Variants in DNAJB1 observed in about 807,000 individuals in gnomAD.
DNAJB1 encodes the protein dnaJ homolog subfamily B member 1.
DNAJB1 carries 14 observed loss-of-function variants against 24.0 expected under a neutral mutation model. The ratio of observed to expected loss-of-function variants is 0.58; its 90% confidence interval spans 0.39 to 0.91. DNAJB1 has a LOEUF of 0.91. DNAJB1 is among the 40% of genes least tolerant of loss of function. The probability of loss-of-function intolerance (pLI) is 0.00; values close to 1 mark genes in which losing one functional copy is unlikely to be tolerated. For missense variants in DNAJB1, 517 were observed against 458.1 expected, an observed-to-expected ratio of 1.13 and a Z score of -1.17; for synonymous variants, 262 against 174.4, an observed-to-expected ratio of 1.50 and a Z score of -3.96.
intron 2 of DNAJB1, chr19:14,527,719 G>C (rs1047659383): frequency 1.3e-5 from 2 of 152,128 alleles, no homozygotes; most frequent in Non-Finnish European, 2.9e-5. Flanking sequence ...GTGAATCAGT[G>C]ATCTACCTTT....
At chr19:14,553,274 TCGGA>T (rs1329579639), upstream of DNAJB1, among the ~76,000 whole-genome samples, 1 of 152,142 alleles carries the variant, frequency 6.6e-6, no homozygotes, top group East Asian at 1.9e-4. Flanking sequence ...GGCCCTGGCC[TCGGA>T]TCCGAGAGCC....
At chr19:14,544,498 G>T (rs1277298973) in intron 1 of DNAJB1, among the ~76,000 whole-genome samples, 1 of 151,908 alleles carries the variant, frequency 6.6e-6, no homozygotes, top group East Asian at 1.9e-4. Flanking sequence ...CGGGGTGTGC[G>T]GCCATTCTAT....
intron 1 of DNAJB1, among the ~76,000 whole-genome samples, chr19:14,548,222 A>G (rs1386217570): frequency 2.0e-5 from 3 of 151,908 alleles, no homozygotes; most frequent in African/African-American, 4.8e-5. Context: ...CGGCCTCCCA[A>G]AGTGCTGGGA....
At chr19:14,521,295 C>T (rs2072356388), upstream of DNAJB1, among the ~76,000 whole-genome samples, 1 of 151,846 alleles carries the variant, frequency 6.6e-6, no homozygotes. Flanking sequence ...CCCGTCTCTA[C>T]TAAAAATACA....
upstream of DNAJB1, among the ~76,000 whole-genome samples, chr19:14,519,484 C>T (rs915591433): frequency 6.6e-6 from 1 of 152,218 alleles, no homozygotes; most frequent in African/African-American, 2.4e-5. Flanking sequence ...TTCTCACCTC[C>T]TAAAGCAAGG....
At chr19:14,559,559 G>A (rs1196434242) in intron 1 of DNAJB1, among the ~76,000 whole-genome samples, 2 of 152,142 alleles carry the variant, frequency 1.3e-5, no homozygotes, top group Non-Finnish European at 2.9e-5. Flanking sequence ...AGGCCGAGGT[G>A]GTGGATTGCC....
chr19:14,534,692 A>T (rs1165359559), upstream of DNAJB1, among the ~76,000 whole-genome samples: 1 of 151,968 alleles, frequency 6.6e-6, no homozygotes, highest in Non-Finnish European at 1.5e-5. Context: ...CTGCCTTGGC[A>T]TCCCAAAGTG....
upstream of DNAJB1, among the ~76,000 whole-genome samples, chr19:14,553,185 C>T (rs1419796939): frequency 2.6e-5 from 4 of 152,190 alleles, no homozygotes; most frequent in South Asian, 2.1e-4. Context: ...GGATTGCTAC[C>T]TGCTCGCTCG....
In DNAJB1 at chr19:14,542,347, G is replaced by GTTTT. The variant is rs71166754; in HGVS notation, c.-214+7857_-214+7860dup. 4.6e-4 allele frequency among the ~76,000 whole-genome samples: 20 copies of GTTTT among 43,298 alleles called. 3 individuals are homozygous for GTTTT. Among genetic ancestry groups the GTTTT allele is most frequent in the East Asian group, 1.4e-3 (2 of 1,454 alleles). 28.4% of individuals were successfully genotyped at this position (43,298 alleles called of 152,430 possible). A position where few individuals can be genotyped will look rare whatever the true frequency, so the allele number is the denominator to read the frequency against. On this transcript the variant is annotated intron_variant, in intron 1 of 3. Coordinates refer to the DNAJB1 transcript ENST00000676982. ...CCTCAGGGGGCCCTCATGCCATAGT[G>GTTTT]TTTTTTTTTTTTTTTTTTTTTTTTT...
chr19:14,543,005 T>C (rs1359205459), intron 1 of DNAJB1, among the ~76,000 whole-genome samples: 1 of 145,076 alleles, frequency 6.9e-6, no homozygotes, highest in Non-Finnish European at 1.5e-5. Context: ...TTTTTTTTTT[T>C]CCATTTGAAA....
At chr19:14,517,083 C>T (rs2072280638) in intron 1 of DNAJB1, 37 bp from the exon 2 acceptor site, 1 of 1,563,304 alleles carries the variant, frequency 6.4e-7, no homozygotes, top group Non-Finnish European at 8.7e-7. Context: ...GATGGCTGAA[C>T]AGCAGACTCT....
At chr19:14,553,215 C>T (rs966612902), upstream of DNAJB1, among the ~76,000 whole-genome samples, 18 of 152,200 alleles carry the variant, frequency 1.2e-4, no homozygotes, top group African/African-American at 4.1e-4. Context: ...TGGATGGGAA[C>T]AGCAGCTCCA....
intron 1 of DNAJB1, among the ~76,000 whole-genome samples, chr19:14,546,951 T>C (rs535028528): frequency 6.6e-6 from 1 of 152,280 alleles, no homozygotes; most frequent in African/African-American, 2.4e-5. Context: ...CGCCTTGGCC[T>C]CCCAAAGTGC....
At chr19:14,544,933 C>G (rs563264443) in intron 1 of DNAJB1, among the ~76,000 whole-genome samples, 42 of 152,194 alleles carry the variant, frequency 2.8e-4, no homozygotes, top group African/African-American at 9.6e-4. Flanking sequence ...ATGCCCAGCA[C>G]GTGGCTTGTT....
chr19:14,528,230 G>A (rs2072474575), intron 1 of DNAJB1, among the ~76,000 whole-genome samples: 1 of 149,678 alleles, frequency 6.7e-6, no homozygotes, highest in African/African-American at 2.5e-5. Flanking sequence ...ATTTGGACCA[G>A]TCCCATTTCT....
At chr19:14,556,350 T>C (rs1011133970) in intron 1 of DNAJB1, among the ~76,000 whole-genome samples, 4 of 151,724 alleles carry the variant, frequency 2.6e-5, no homozygotes, top group African/African-American at 7.3e-5. Flanking sequence ...CTCTTGGAGG[T>C]TGCAGTGAGC....
chr19:14,541,498 T>C (rs1384508560), intron 1 of DNAJB1, among the ~76,000 whole-genome samples: 1 of 152,244 alleles, frequency 6.6e-6, no homozygotes, highest in African/African-American at 2.4e-5. Flanking sequence ...GTCCATCACT[T>C]ATTCATTAGT....
At chr19:14,560,388 C>T (rs1280100012), upstream of DNAJB1, among the ~76,000 whole-genome samples, 5 of 152,178 alleles carry the variant, frequency 3.3e-5, no homozygotes, top group Non-Finnish European at 7.4e-5. Context: ...AGCATGTGGG[C>T]ACTGCCTGCC....
chr19:14,558,766 C>T (rs1359679961), intron 1 of DNAJB1, among the ~76,000 whole-genome samples: 1 of 152,214 alleles, frequency 6.6e-6, no homozygotes, highest in Admixed American at 6.5e-5. Context: ...CAGCCCCTCC[C>T]AGCCCCTCCG....
Sources: gnomAD v4.1 joint callset for allele counts (sites outside exome capture counted in the v4.1 genomes callset) on GRCh38, gnomAD v4.1.1 for gene constraint, MANE v1.5 for transcripts, NCBI Gene and HGNC (gene_info 2026-07-23, HGNC 2026-07-21) for gene names.